Variants in RGS6 observed in about 807,000 individuals in gnomAD.
RGS6 encodes regulator of G-protein signaling 6.
In RGS6, 30 loss-of-function variants were observed where a neutral mutation model predicts 78.5. The ratio of observed to expected loss-of-function variants is 0.38; its 90% CI spans 0.29 to 0.52. RGS6 has a LOEUF of 0.52. RGS6 is among the 20% of genes least tolerant of loss of function. The pLI, the probability that RGS6 is intolerant of heterozygous loss-of-function variation, is 0.85. For synonymous variants in RGS6, 206 were observed against 206.0 expected, an observed-to-expected ratio of 1.00 and a Z score of 0.00; for missense variants, 495 against 609.7, an observed-to-expected ratio of 0.81 and a Z score of 1.98.
chr14:72,144,526 A>G (rs2096582074), intron 2 of RGS6, among the ~76,000 whole-genome samples: 1 of 152,160 alleles, frequency 6.6e-6, no homozygotes, highest in South Asian at 2.1e-4. Flanking sequence ...GCCCTTTTGA[A>G]TGATTTAAAA....
At position 72,107,630 on chromosome 14, in the gene RGS6, A is replaced by G. The variant is rs192943730; in HGVS notation, c.84+142755A>G. Among the ~76,000 whole-genome samples, 398 of 152,298 alleles carry G rather than the reference A, an allele frequency of 2.6e-3. 2 individuals carry two copies. Among genetic ancestry groups the G allele is most frequent in the African/African-American group, 9.1e-3 (377 of 41,570 alleles). On this transcript the variant is annotated intron_variant, in intron 2 of 17. Transcript: ENST00000553525. ...CTTCTATATCTATATAGCTTTTTCT[A>G]TACCTATACATAGATGTTATATGTA...
the RGS6 span, among the ~76,000 whole-genome samples, chr14:71,885,120 C>A: frequency 6.6e-6 from 1 of 152,194 alleles, no homozygotes; most frequent in Admixed American, 6.5e-5. Context: ...TTCCTTTACC[C>A]TCTTGAACCC....
At chr14:72,112,824 A>G (rs542778562) in intron 2 of RGS6, among the ~76,000 whole-genome samples, 70 of 152,216 alleles carry the variant, frequency 4.6e-4, no homozygotes, top group African/African-American at 1.5e-3. Context: ...AGACCCCCCA[A>G]TGTATGGGTG....
chr14:72,510,680 A>G (rs1300626345), intron 14 of RGS6, among the ~76,000 whole-genome samples: 1 of 152,244 alleles, frequency 6.6e-6, no homozygotes, highest in East Asian at 1.9e-4. Context: ...GAGAAGCTAA[A>G]CGGAAGAGGG....
intron 2 of RGS6, among the ~76,000 whole-genome samples, chr14:72,191,818 G>A (rs937898095): frequency 7.2e-5 from 11 of 152,242 alleles, no homozygotes; most frequent in South Asian, 2.1e-4. Context: ...TGTCCATCCC[G>A]GGCCTTTATA....
rs1384553001 is a variant in RGS6, at chr14:72,253,252, A to G, written c.85-98843A>G. Among the ~76,000 whole-genome samples, 7 of 152,366 alleles carry G rather than the reference A, an allele frequency of 4.6e-5. No homozygotes were observed. The East Asian group carries it at 1.3e-3, about 29-fold the overall frequency. On this transcript the variant is annotated intron_variant, in intron 2 of 17. Coordinates refer to ENST00000553525, the MANE Select transcript of RGS6 (RefSeq NM_001204424.2). ...ATATTACCATAGGAAATAGTCCTTCAGCCTGTGGAGATAGGGCAAAACAGA... is the reference window on the plus strand; with the variant it reads ...ATATTACCATAGGAAATAGTCCTTCGGCCTGTGGAGATAGGGCAAAACAGA...
chr14:72,149,359 G>C (rs182083802), intron 2 of RGS6, among the ~76,000 whole-genome samples: 1 of 152,298 alleles, frequency 6.6e-6, no homozygotes, highest in Non-Finnish European at 1.5e-5. Context: ...CTCTTCAATG[G>C]GGGGAGTGTT....
At chr14:72,413,336 C>T (rs570125707) in intron 3 of RGS6, among the ~76,000 whole-genome samples, 1 of 152,148 alleles carries the variant, frequency 6.6e-6, no homozygotes, top group Non-Finnish European at 1.5e-5. Flanking sequence ...CCTTCTTTGT[C>T]TCTTTTGATC....
At chr14:72,455,540 A>G (rs2095608217) in intron 4 of RGS6, among the ~76,000 whole-genome samples, 2 of 152,240 alleles carry the variant, frequency 1.3e-5, no homozygotes, top group African/African-American at 2.4e-5. Flanking sequence ...ATGCAGTTCA[A>G]TTATATACAG....
At chr14:72,433,267 C>T (rs564812913) in intron 3 of RGS6, among the ~76,000 whole-genome samples, 1 of 151,714 alleles carries the variant, frequency 6.6e-6, no homozygotes, top group East Asian at 1.9e-4. Flanking sequence ...GACTGGCCAC[C>T]CTGTTTCTTG....
intron 1 of RGS6, among the ~76,000 whole-genome samples, chr14:71,938,724 C>G (rs2089983050): frequency 6.6e-6 from 1 of 152,108 alleles, no homozygotes; most frequent in African/African-American, 2.4e-5. Context: ...TGTGCACAAC[C>G]CACTTTATGG....
intron 17 of RGS6, among the ~76,000 whole-genome samples, chr14:72,542,326 G>C (rs2097338013): frequency 6.6e-6 from 1 of 152,162 alleles, no homozygotes; most frequent in African/African-American, 2.4e-5. Context: ...TGGAACCCAG[G>C]AATCTGGTCT....
intron 16 of RGS6, among the ~76,000 whole-genome samples, chr14:72,538,698 A>G (rs1447825344): frequency 6.6e-6 from 1 of 152,228 alleles, no homozygotes; most frequent in African/African-American, 2.4e-5. Flanking sequence ...GAGACTTGGT[A>G]TGGTACCCGG....
chr14:72,260,135 T>G (rs997112193), intron 2 of RGS6, among the ~76,000 whole-genome samples: 1 of 152,194 alleles, frequency 6.6e-6, no homozygotes, highest in Non-Finnish European at 1.5e-5. Flanking sequence ...TTAAGTATGC[T>G]TTTAACTGTA....
At chr14:72,010,780 T>C (rs1350946153) in intron 2 of RGS6, among the ~76,000 whole-genome samples, 1 of 152,236 alleles carries the variant, frequency 6.6e-6, no homozygotes, top group Non-Finnish European at 1.5e-5. Flanking sequence ...TTCTCTCTGC[T>C]TTAATCCTTA....
At chr14:72,438,013 G>C (rs1017864339) in intron 3 of RGS6, among the ~76,000 whole-genome samples, 2 of 152,218 alleles carry the variant, frequency 1.3e-5, no homozygotes, top group African/African-American at 2.4e-5. Flanking sequence ...TGCCATCAGT[G>C]GTGGTCGGTG....
intron 1 of RGS6, among the ~76,000 whole-genome samples, chr14:71,949,055 A>G (rs1018640923): frequency 6.6e-6 from 1 of 152,042 alleles, no homozygotes; most frequent in Non-Finnish European, 1.5e-5. Flanking sequence ...TATTCCACAA[A>G]CTATTCATCT....
intron 2 of RGS6, among the ~76,000 whole-genome samples, chr14:72,007,793 G>A (rs539503775): frequency 6.6e-6 from 1 of 152,226 alleles, no homozygotes; most frequent in East Asian, 1.9e-4. Flanking sequence ...GAGATTTGTG[G>A]GTGTGGCTTT....
chr14:72,312,705 C>T (rs993598430), intron 2 of RGS6, among the ~76,000 whole-genome samples: 2 of 152,146 alleles, frequency 1.3e-5, no homozygotes, highest in Non-Finnish European at 2.9e-5. Flanking sequence ...ATGAATTATA[C>T]ACCTACCGCA....
Sources: gnomAD v4.1 joint callset for allele counts (sites outside exome capture counted in the v4.1 genomes callset) on GRCh38, gnomAD v4.1.1 for gene constraint, MANE v1.5 for transcripts, NCBI Gene and HGNC (gene_info 2026-07-23, HGNC 2026-07-21) for gene names.